YY1: variants seen among roughly 807,000 people sequenced by gnomAD.
The protein encoded by YY1 is transcriptional repressor protein YY1.
Under a neutral mutation model 35.6 loss-of-function variants are expected in YY1, and 2 were observed. The observed-to-expected ratio is 0.06, with a 90% CI of 0.02 to 0.18. The LOEUF is 0.18. YY1 is among the 10% of genes least tolerant of loss of function. The pLI, the probability that YY1 is intolerant of heterozygous loss-of-function variation, is 1.00. For synonymous variants in YY1, 268 were observed against 238.9 expected (o/e 1.12, Z -1.12); for missense variants, 322 against 573.4 (o/e 0.56, Z 4.48).
At chr14:100,242,551 G>T (rs374372056) in intron 1 of YY1, among the ~76,000 whole-genome samples, 136 of 151,772 alleles carry the variant, frequency 9.0e-4, no homozygotes, top group African/African-American at 3.1e-3. Flanking sequence ...ACCACGCCCG[G>T]CTAATTTTTT....
Position 100,279,309 on chromosome 14 carries a change from C to G in YY1, c.*1709C>G, listed in dbSNP as rs1891376060. On this transcript the variant is annotated 3_prime_UTR_variant, in exon 5 of 5. Coordinates refer to ENST00000262238, the MANE Select transcript of YY1 (RefSeq NM_003403.5). ...TATCCGAGATTTATTTACAAATGGC[C>G]AGGGACCCCATCAGGTGAAACACAT... 1 of 152,164 alleles carries G rather than the reference C, an allele frequency of 6.6e-6. No homozygotes were observed. Among genetic ancestry groups the G allele is most frequent in the African/African-American group, 2.4e-5 (1 of 41,428 alleles). 9.4% of individuals were successfully genotyped at this position (152,164 alleles called of 1,614,324 possible). A position where few individuals can be genotyped will look rare whatever the true frequency, so the allele number is the denominator to read the frequency against.
At chr14:100,258,207 G>C (rs74085014) in intron 1 of YY1, among the ~76,000 whole-genome samples, 1 of 152,020 alleles carries the variant, frequency 6.6e-6, no homozygotes, top group Admixed American at 6.6e-5. Context: ...TCTGTACCCC[G>C]TGAAAGTTTT....
At chr14:100,269,900 A>G (rs1891208966) in intron 2 of YY1, among the ~76,000 whole-genome samples, 1 of 152,188 alleles carries the variant, frequency 6.6e-6, no homozygotes, top group Admixed American at 6.5e-5. Flanking sequence ...GAGTTGGGTA[A>G]ATGGTACCTG....
chr14:100,241,375 G>T (rs939771427), intron 1 of YY1, among the ~76,000 whole-genome samples: 6 of 152,166 alleles, frequency 3.9e-5, no homozygotes, highest in Non-Finnish European at 8.8e-5. Context: ...GAAATGAAAA[G>T]GCTGGACTGA....
chr14:100,239,179 C>CG lies in YY1; in HGVS notation c.-66_-65insG. ...CTTCCTTCCCCACGGCCGGCCGCCTCCTCGCCCGCCCGCCCGCAGCCGAGG... is the reference window on the plus strand; with the variant it reads ...CTTCCTTCCCCACGGCCGGCCGCCTCGCTCGCCCGCCCGCCCGCAGCCGAGG... On this transcript the variant is annotated 5_prime_UTR_variant, in exon 1 of 5. Coordinates refer to ENST00000262238, the MANE Select transcript of YY1 (RefSeq NM_003403.5). 1 of 1,338,826 alleles carries CG rather than the reference C, an allele frequency of 7.5e-7. No homozygotes were observed. The highest frequency in any genetic ancestry group is 9.5e-7 in the Non-Finnish European group (1 of 1,053,004). The allele number at this position is 1,338,826 out of a possible 1,614,324, so 82.9% of individuals were successfully genotyped here.
chr14:100,271,938 A>G (rs1891244585), intron 2 of YY1, among the ~76,000 whole-genome samples: 2 of 152,120 alleles, frequency 1.3e-5, no homozygotes, highest in South Asian at 2.1e-4. Context: ...TCATGTTAGC[A>G]CTCAGATAGT....
intron 1 of YY1, among the ~76,000 whole-genome samples, chr14:100,251,560 G>T (rs1890924467): frequency 6.6e-6 from 1 of 152,226 alleles, no homozygotes; most frequent in African/African-American, 2.4e-5. Context: ...CATTCTGCAG[G>T]AACTTGGCAA....
intron 2 of YY1, among the ~76,000 whole-genome samples, chr14:100,269,046 A>C (rs956015317): frequency 2.6e-5 from 4 of 152,194 alleles, no homozygotes; most frequent in African/African-American, 9.6e-5. Context: ...TCGGGCAGTC[A>C]TGTCATTGGG....
chr14:100,245,185 C>T (rs1354222379), intron 1 of YY1, among the ~76,000 whole-genome samples: 2 of 152,178 alleles, frequency 1.3e-5, no homozygotes, highest in Non-Finnish European at 2.9e-5. Context: ...ATCCGCCTGC[C>T]TCGGCCTCCC....
At chr14:100,240,594 A>T (rs1278483845) in intron 1 of YY1, among the ~76,000 whole-genome samples, 1 of 151,984 alleles carries the variant, frequency 6.6e-6, no homozygotes, top group Non-Finnish European at 1.5e-5. Context: ...CCCGGCGGTC[A>T]CGCTCGCCCA....
intron 1 of YY1, among the ~76,000 whole-genome samples, chr14:100,241,640 G>T (rs1890744186): frequency 6.6e-6 from 1 of 152,162 alleles, no homozygotes; most frequent in Non-Finnish European, 1.5e-5. Context: ...CATGTATTTT[G>T]GTAGCTCAAG....
intron 1 of YY1, among the ~76,000 whole-genome samples, chr14:100,246,471 TGTGGG>T (rs1566769605): frequency 6.6e-6 from 1 of 152,190 alleles, no homozygotes; most frequent in Admixed American, 6.5e-5. Context: ...CTTGTGGGGA[TGTGGG>T]GTGGTGAGAC....
intron 1 of YY1, among the ~76,000 whole-genome samples, chr14:100,242,371 G>GTTT (rs1566767626): frequency 1.9e-5 from 1 of 51,466 alleles, no homozygotes; most frequent in African/African-American, 8.6e-5. Context: ...GTTTTGTTTT[G>GTTT]TTTTTTGTTT....
At chr14:100,240,019 A>C (rs1354970405) in intron 1 of YY1, 96 bp downstream of exon 1, 2 of 1,209,368 alleles carry the variant, frequency 1.7e-6, no homozygotes, top group Non-Finnish European at 2.2e-6. Context: ...CTTCTTCGCC[A>C]GGGCAAGTAT....
Position 100,239,509 on chromosome 14 carries a change from C to T in YY1, c.265C>T (p.Leu89=), listed in dbSNP as rs765758223. The stretch of plus-strand genomic sequence containing the variant: ...CCCGCCCATGATCGCTCTGCAGCCG[C>T]TGGTCACCGACGACCCGACCCAGGT... ...HHPPMIALQP[L]VTDDPTQVHH... The change falls in exon 1 of 5, where the codon CTG becomes TTG. Residue 89 remains leucine, a synonymous_variant. Transcript: ENST00000262238. 5 of 1,610,922 alleles carry T rather than the reference C, an allele frequency of 3.1e-6. No individual in the cohort carries two copies. The highest frequency in any genetic ancestry group is 4.2e-6 in the Non-Finnish European group (5 of 1,179,378).
rs1410416877 is a variant in YY1 at position 100,239,742 on chromosome 14, G to T, written c.498G>T (p.Ser166=). The part of the protein sequence containing the change: ...AGKSGGGGSS[S]SGGGRVKKGG... ...AGAGCGGCGGCGGCGGCTCGTCGTCGTCGGGAGGCGGCCGCGTCAAGAAGG... is the reference window on the plus strand; with the variant it reads ...AGAGCGGCGGCGGCGGCTCGTCGTCTTCGGGAGGCGGCCGCGTCAAGAAGG... The change falls in exon 1 of 5, where the codon TCG becomes TCT. Residue 166 remains serine (S), a synonymous_variant. Transcript: ENST00000262238. 1.9e-6 allele frequency: 3 copies of T among 1,588,532 alleles called. No individual in the cohort carries two copies. Among genetic ancestry groups the T allele is most frequent in the Non-Finnish European group, 8.5e-7 (1 of 1,171,992 alleles).
rs1050875576 is a variant in YY1, at chr14:100,252,861, G to C, written c.680-9443G>C. 9.9e-5 allele frequency among the ~76,000 whole-genome samples: 15 copies of C among 152,010 alleles called. 1 individual carries two copies. In the East Asian group the frequency reaches 1.4e-3, roughly 14 times the overall value. On this transcript the variant is annotated intron_variant, in intron 1 of 4. Transcript: ENST00000262238. ...AAGACTAGCCTGGGCAACATAGTGA[G>C]ACCCCATCTCTACCAGGAAAAAAAA...
chr14:100,263,127 C>T (rs1257701613), intron 2 of YY1, among the ~76,000 whole-genome samples: 2 of 152,154 alleles, frequency 1.3e-5, no homozygotes, highest in Non-Finnish European at 2.9e-5. Flanking sequence ...AGTCTGGTCT[C>T]GAACCAGTCC....
At chr14:100,274,785 C>A in intron 3 of YY1, 27 bp downstream of exon 3, 1 of 1,601,118 alleles carries the variant, frequency 6.2e-7, no homozygotes, top group South Asian at 1.1e-5. Flanking sequence ...GGAGAGTGTT[C>A]ATTAAACTGT....
Sources: gnomAD v4.1 joint callset for allele counts (sites outside exome capture counted in the v4.1 genomes callset) on GRCh38, gnomAD v4.1.1 for gene constraint, MANE v1.5 for transcripts, NCBI Gene and HGNC (gene_info 2026-07-23, HGNC 2026-07-21) for gene names.